Variants in PSG6 observed in about 807,000 individuals in gnomAD.
PSG6 encodes pregnancy-specific beta-1-glycoprotein 6.
Under a neutral mutation model 43.3 loss-of-function variants are expected in PSG6, and 51 were observed. The observed-to-expected ratio is 1.18, with a 90% CI of 0.94 to 1.49. The LOEUF (loss-of-function observed/expected upper bound fraction) is 1.49. PSG6 is among the 40% of genes most tolerant of loss of function. The pLI, the probability that PSG6 is intolerant of heterozygous loss-of-function variation, is 0.00. For missense variants in PSG6, 770 were observed against 522.2 expected, an observed-to-expected ratio of 1.47 and a Z score of -4.62; for synonymous variants, 292 against 197.6, an observed-to-expected ratio of 1.48 and a Z score of -4.01.
At chr19:42,904,543 C>A (rs898164950) in intron 5 of PSG6, among the ~76,000 whole-genome samples, 23 of 151,686 alleles carry the variant, frequency 1.5e-4, no homozygotes, top group East Asian at 1.4e-3. Context: ...AATTTATATT[C>A]ACATCAAAAA....
Position 42,917,853 on chromosome 19 carries a change from G to C in PSG6, c.-61C>G, listed in dbSNP as rs527241038. 18 of 1,571,904 alleles carry C rather than the reference G, an allele frequency of 1.1e-5. No homozygotes were observed. Among genetic ancestry groups the C allele is most frequent in the Non-Finnish European group, 1.5e-5 (17 of 1,152,946 alleles). On this transcript the variant is annotated 5_prime_UTR_variant, in exon 1 of 6. Transcript: ENST00000187910. ...TGAGCCTAGGATCCAGAGACTTCCT[G>C]AGCAGGGCTGTCAGGTGTGCTGTCC...
At chr19:42,909,213 T>G (rs1007633908) in intron 3 of PSG6, among the ~76,000 whole-genome samples, 3 of 151,624 alleles carry the variant, frequency 2.0e-5, no homozygotes, top group African/African-American at 7.3e-5. Context: ...GCCCTTTTTT[T>G]TCTCTCACCA....
intron 3 of PSG6, 55 bp from the exon 4 acceptor site, chr19:42,907,909 A>T: frequency 6.3e-6 from 10 of 1,592,310 alleles, no homozygotes; most frequent in Non-Finnish European, 8.6e-6. Flanking sequence ...CTCCACAGGC[A>T]TCCTTCATTC....
chr19:42,906,123 C>T (rs1455025892), intron 5 of PSG6, among the ~76,000 whole-genome samples: 1 of 151,528 alleles, frequency 6.6e-6, no homozygotes, highest in African/African-American at 2.4e-5. Flanking sequence ...CCTTTCCTGC[C>T]ATGCAGAGCC....
chr19:42,914,942 A>G (rs1972296979), intron 2 of PSG6, among the ~76,000 whole-genome samples: 1 of 151,598 alleles, frequency 6.6e-6, no homozygotes, highest in African/African-American at 2.4e-5. Context: ...TTTTTTTTGC[A>G]CTGACTCTGG....
At position 42,907,927 on chromosome 19, in the gene PSG6, G is replaced by T. The variant is rs1046849925; in HGVS notation, c.707-73C>A. The stretch of plus-strand genomic sequence containing the variant: ...CACAGGCATCCTTCATTCAGAGTTG[G>T]CATCTCCCACCTGTCAACCCACATG... On this transcript the variant is annotated intron_variant, in intron 3 of 5. Coordinates refer to ENST00000187910, the MANE Select transcript of PSG6 (RefSeq NM_001031850.4). 3.2e-6 allele frequency: 5 copies of T among 1,573,366 alleles called. 1 individual carries two copies. Among genetic ancestry groups the T allele is most frequent in the Non-Finnish European group, 4.3e-6 (5 of 1,156,386 alleles).
At chr19:42,916,543 G>A (rs188940870) in intron 1 of PSG6, 56 bp from the exon 2 acceptor site, 1 of 1,563,974 alleles carries the variant, frequency 6.4e-7, no homozygotes, top group Non-Finnish European at 8.7e-7. Flanking sequence ...GGGGTGAAAA[G>A]ATGGGGCCCT....
At chr19:42,907,197 C>G (rs768066211) in intron 4 of PSG6, 21 bp from the exon 5 acceptor site, 1 of 1,606,242 alleles carries the variant, frequency 6.2e-7, no homozygotes, top group Non-Finnish European at 8.5e-7. Context: ...GAGAATAAAG[C>G]CACAGGTGAT....
Position 42,917,889 on chromosome 19 carries a change from T to C in PSG6, c.-97A>G. 2 of 1,478,748 alleles carry C rather than the reference T, an allele frequency of 1.4e-6. No homozygotes were observed. The allele number at this position is 1,478,748 out of a possible 1,614,324, so 91.6% of individuals were successfully genotyped here. A position where few individuals can be genotyped will look rare whatever the true frequency, so the allele number is the denominator to read the frequency against. ...TCAGGTGTGCTGTCCTTCCTCCTTC[T>C]GTGCTGAGCCTCTTCCCAGGGCAGA... On this transcript the variant is annotated 5_prime_UTR_variant, in exon 1 of 6. Coordinates refer to ENST00000187910, the MANE Select transcript of PSG6 (RefSeq NM_001031850.4).
rs758633006 is a variant in PSG6 at position 42,910,515 on chromosome 19, C to A, written c.706+65G>T. 13 of 1,612,296 alleles carry A rather than the reference C, an allele frequency of 8.1e-6. 1 individual carries two copies. Among genetic ancestry groups the A allele is most frequent in the Non-Finnish European group, 1.1e-5 (13 of 1,179,190 alleles). The stretch of plus-strand genomic sequence containing the variant: ...CTTGGACCTGAGAGGGACTGAGAGG[C>A]CTGGCCTCTGGCCACTTGTATTTGG... On this transcript the variant is annotated intron_variant, in intron 3 of 5. Transcript: ENST00000187910.
At chr19:42,911,817 T>C (rs1972232069) in intron 2 of PSG6, among the ~76,000 whole-genome samples, 1 of 151,640 alleles carries the variant, frequency 6.6e-6, no homozygotes, top group South Asian at 2.1e-4. Context: ...ACTCTCTGAT[T>C]CTGAGTTTGA....
At chr19:42,903,654 T>C (rs1600537480) in intron 5 of PSG6, 1 of 1,523,074 alleles carries the variant, frequency 6.6e-7, no homozygotes, top group Non-Finnish European at 8.8e-7. Flanking sequence ...CTTTGGGAGG[T>C]CACAGCAGAA....
At chr19:42,914,855 G>A (rs59574562) in intron 2 of PSG6, among the ~76,000 whole-genome samples, 4,471 of 137,584 alleles carry the variant, frequency 0.032, 287 homozygotes, top group African/African-American at 0.12. Context: ...CTCTCATGAC[G>A]GTGACATGGA....
Position 42,916,337 on chromosome 19 carries a change from A to G in PSG6, c.215T>C (p.Met72Thr), listed in dbSNP as rs1409814739. The G allele has an allele frequency of 6.2e-7, 1 of 1,612,146 alleles. No individual in the cohort carries two copies. The highest frequency in any genetic ancestry group is 2.2e-5 in the East Asian group (1 of 44,776). Residue 72 changes from methionine (M) to threonine (T), a missense_variant, in exon 2 of 6, where the codon ATG becomes ACG. By Grantham distance (81) the Met-to-Thr change is moderately conservative (BLOSUM62 -1). Transcript: ENST00000187910. ...TGTAATGTAATGGTAGAGGTCCGTCATTTGCCCTTTGTACCAGATGTAGCC... is the reference window on the plus strand; with the variant it reads ...TGTAATGTAATGGTAGAGGTCCGTCGTTTGCCCTTTGTACCAGATGTAGCC... ...LTGYIWYKGQ[M>T]TDLYHYITSY...
At chr19:42,916,597 CACACACACACATACAA>C in intron 1 of PSG6, 110 bp from the exon 2 acceptor site, 1 of 1,379,104 alleles carries the variant, frequency 7.3e-7, no homozygotes, top group Non-Finnish European at 9.9e-7. Flanking sequence ...TGAAGATATG[CACACACACACATACAA>C]ACACACACAC....
chr19:42,905,395 C>A (rs547434628), intron 5 of PSG6, among the ~76,000 whole-genome samples: 6 of 151,706 alleles, frequency 4.0e-5, no homozygotes, highest in Non-Finnish European at 7.4e-5. Context: ...CTTTGATAAA[C>A]AACAACAATG....
Position 42,916,462 on chromosome 19 carries a change from C to T in PSG6, c.90G>A (p.Leu30=), listed in dbSNP as rs200859416. ...CAATTATTACTTGGGCAGTGGTGGG[C>T]AGGTTCCAGAAGTTTAAAAGTGATG... is the stretch of plus-strand genomic sequence containing the variant. The part of the protein sequence containing the change: ...LTASLLNFWN[L]PTTAQVIIEA... Residue 30 remains leucine, a synonymous_variant, in exon 2 of 6, where the codon CTG becomes CTA. Coordinates refer to ENST00000187910, the MANE Select transcript of PSG6 (RefSeq NM_001031850.4). 4.3e-6 allele frequency: 7 copies of T among 1,611,322 alleles called. No homozygotes were observed. The African/African-American group carries it at 6.7e-5, about 15-fold the overall frequency.
At chr19:42,903,094 C>T (rs1387196577) in intron 5 of PSG6, among the ~76,000 whole-genome samples, 2 of 151,518 alleles carry the variant, frequency 1.3e-5, no homozygotes, top group Admixed American at 6.6e-5. Context: ...TGTCATATGG[C>T]TAGTGACAGG....
intron 1 of PSG6, among the ~76,000 whole-genome samples, chr19:42,917,365 T>C (rs1392129433): frequency 1.6e-5 from 1 of 61,578 alleles, no homozygotes; most frequent in African/African-American, 9.5e-5. Context: ...TTTTTATTCT[T>C]TTTTTTTTTT....
Sources: gnomAD v4.1 joint callset for allele counts (sites outside exome capture counted in the v4.1 genomes callset) on GRCh38, gnomAD v4.1.1 for gene constraint, MANE v1.5 for transcripts, NCBI Gene and HGNC (gene_info 2026-07-23, HGNC 2026-07-21) for gene names.